Variants in TMEM74 observed in about 807,000 individuals in gnomAD.
The protein encoded by TMEM74 is transmembrane protein 74.
A neutral mutation model predicts 18.1 loss-of-function variants in TMEM74; 13 were observed. That is an observed-to-expected ratio of 0.72 (90% CI 0.47 to 1.14). TMEM74 has a LOEUF of 1.14. Ranked by LOEUF, TMEM74 falls within the 50% of genes most tolerant of loss-of-function variation. TMEM74 has a pLI of 0.00. For synonymous variants in TMEM74, 159 were observed against 146.6 expected (o/e 1.08, Z -0.61); for missense variants, 372 against 375.9 (o/e 0.99, Z 0.09).
chr8:108,634,623 C>G (rs543384268), intron 2 of TMEM74, among the ~76,000 whole-genome samples: 40 of 152,082 alleles, frequency 2.6e-4, no homozygotes, highest in African/African-American at 8.2e-4. Flanking sequence ...GGCAATGTGG[C>G]TGATTTTCAG....
At chr8:108,764,257 C>T (rs1025251126) in intron 1 of TMEM74, among the ~76,000 whole-genome samples, 3 of 152,142 alleles carry the variant, frequency 2.0e-5, no homozygotes, top group Non-Finnish European at 4.4e-5. Flanking sequence ...GTGCAGGTGG[C>T]ATCTGTAAGC....
At chr8:108,656,976 G>A (rs1812826756) in intron 1 of TMEM74, among the ~76,000 whole-genome samples, 1 of 152,048 alleles carries the variant, frequency 6.6e-6, no homozygotes, top group Non-Finnish European at 1.5e-5. Flanking sequence ...TTGAAATTAA[G>A]CTGAGAAATC....
intron 1 of TMEM74, among the ~76,000 whole-genome samples, chr8:108,728,840 C>T (rs75756324): frequency 1.3e-5 from 2 of 152,180 alleles, no homozygotes; most frequent in Admixed American, 1.3e-4. Context: ...TGAATAAATG[C>T]GTTAAGAAGC....
At chr8:108,623,607 A>G (rs903147692) in intron 2 of TMEM74, among the ~76,000 whole-genome samples, 2 of 152,140 alleles carry the variant, frequency 1.3e-5, no homozygotes, top group African/African-American at 4.8e-5. Flanking sequence ...ATATTAATAC[A>G]TATTTTAAGT....
chr8:108,730,923 C>T (rs1405962904), intron 1 of TMEM74, among the ~76,000 whole-genome samples: 1 of 152,134 alleles, frequency 6.6e-6, no homozygotes, highest in Non-Finnish European at 1.5e-5. Flanking sequence ...AGCCACCGCG[C>T]CCTGCCACCA....
rs1364700058 is a variant in TMEM74, at chr8:108,679,455, T to C, written n.120-24018A>G. 2.6e-5 allele frequency among the ~76,000 whole-genome samples: 4 copies of C among 152,208 alleles called. No individual in the cohort carries two copies. The East Asian group carries it at 5.8e-4, about 22-fold the overall frequency. On this transcript the variant is annotated intron_variant and non_coding_transcript_variant, in intron 1 of 3. Coordinates refer to the TMEM74 transcript ENST00000518838. Reference sequence around the variant, plus strand: ...GATTGTCATTCTAACTGGTGTGAGATGGTATCTCATTATGGTTTTGATTTG... The same window carrying C: ...GATTGTCATTCTAACTGGTGTGAGACGGTATCTCATTATGGTTTTGATTTG...
At chr8:108,714,637 A>T (rs1163200425) in intron 1 of TMEM74, among the ~76,000 whole-genome samples, 2 of 152,180 alleles carry the variant, frequency 1.3e-5, no homozygotes, top group Non-Finnish European at 2.9e-5. Flanking sequence ...TTCTTAAAGA[A>T]CTCAGAACTA....
At chr8:108,679,456 G>T (rs1444686596) in intron 1 of TMEM74, among the ~76,000 whole-genome samples, 1 of 152,116 alleles carries the variant, frequency 6.6e-6, no homozygotes, top group East Asian at 1.9e-4. Context: ...GGTGTGAGAT[G>T]GTATCTCATT....
In TMEM74 at chr8:108,780,556, CTT is replaced by C. The variant is rs1563549995; in HGVS notation, c.*3623_*3624del. Among the ~76,000 whole-genome samples, 1 of 152,176 alleles carries C rather than the reference CTT, an allele frequency of 6.6e-6. No individual in the cohort carries two copies. Among genetic ancestry groups the C allele is most frequent in the Non-Finnish European group, 1.5e-5 (1 of 68,028 alleles). On this transcript the variant is annotated 3_prime_UTR_variant, in exon 2 of 2. Coordinates refer to ENST00000297459, the MANE Select transcript of TMEM74 (RefSeq NM_153015.3). ...ACACATAAGTTTGGCAGCGCAGTCT[CTT>C]TTCAGAAATTGTACCTTGAAGGGCA...
chr8:108,784,384 G>T lies in TMEM74; in HGVS notation c.715C>A (p.Leu239Ile). 1 of 1,614,110 alleles carries T rather than the reference G, an allele frequency of 6.2e-7. No individual in the cohort carries two copies. Among genetic ancestry groups the T allele is most frequent in the Non-Finnish European group, 8.5e-7 (1 of 1,180,036 alleles). Residue 239 changes from leucine to isoleucine, a missense_variant, in exon 2 of 2, where the codon CTC becomes ATC. Leu to Ile is a conservative substitution (Grantham distance 5). Coordinates refer to ENST00000297459, the MANE Select transcript of TMEM74 (RefSeq NM_153015.3). ...DRCVIAGLCL[L>I]TLGGVILSCL... ...GACAGGATGACGCCCCCCAGCGTGA[G>T]GAGGCAGAGCCCCGCAATCACACAG...
chr8:108,760,677 T>C (rs1013447314), intron 1 of TMEM74, among the ~76,000 whole-genome samples: 2 of 152,002 alleles, frequency 1.3e-5, no homozygotes, highest in Non-Finnish European at 2.9e-5. Flanking sequence ...GTAGTCTGGC[T>C]GTAGCAATGT....
chr8:108,748,519 C>CT (rs1813873702), intron 1 of TMEM74, among the ~76,000 whole-genome samples: 1 of 151,736 alleles, frequency 6.6e-6, no homozygotes, highest in Admixed American at 6.6e-5. Context: ...TGTAGGTTGT[C>CT]TGTTTACTCT....
intron 1 of TMEM74, among the ~76,000 whole-genome samples, chr8:108,711,188 A>T (rs1197976695): frequency 6.6e-6 from 1 of 152,220 alleles, no homozygotes; most frequent in Non-Finnish European, 1.5e-5. Flanking sequence ...TCTACATATA[A>T]GAAACTGAGT....
chr8:108,744,663 C>A (rs1002079123), intron 1 of TMEM74, among the ~76,000 whole-genome samples: 2 of 152,236 alleles, frequency 1.3e-5, no homozygotes, highest in East Asian at 3.9e-4. Flanking sequence ...TAAGTCTTGT[C>A]TTTGTTTTAC....
intron 2 of TMEM74, among the ~76,000 whole-genome samples, chr8:108,615,819 CTTTTTTTTTTT>C (rs71564011): frequency 9.2e-5 from 7 of 76,420 alleles, no homozygotes; most frequent in South Asian, 4.9e-4. Context: ...TGCATGGGAG[CTTTTTTTTTTT>C]TTTTTTTTTT....
Position 108,780,515 on chromosome 8 carries a change from G to A in TMEM74, c.*3666C>T, listed in dbSNP as rs1173807934. ...GATTAAGTCACCCCTTATACTGGGG[G>A]GACTGAGGTAAAGGCACACATAAGT... On this transcript the variant is annotated 3_prime_UTR_variant, in exon 2 of 2. Coordinates refer to ENST00000297459, the MANE Select transcript of TMEM74 (RefSeq NM_153015.3). Among the ~76,000 whole-genome samples the A allele has an allele frequency of 6.6e-6, 1 of 152,114 alleles. No homozygotes were observed. Among genetic ancestry groups the A allele is most frequent in the Non-Finnish European group, 1.5e-5 (1 of 68,024 alleles).
intron 2 of TMEM74, among the ~76,000 whole-genome samples, chr8:108,647,558 G>A (rs535289750): frequency 2.6e-5 from 4 of 152,128 alleles, no homozygotes; most frequent in African/African-American, 9.6e-5. Context: ...GATTCACTAA[G>A]TAAAGAAATC....
chr8:108,698,166 CAAATA>C (rs1563528965), intron 1 of TMEM74, among the ~76,000 whole-genome samples: 1 of 152,136 alleles, frequency 6.6e-6, no homozygotes, highest in African/African-American at 2.4e-5. Flanking sequence ...TTTCATTTTA[CAAATA>C]AAATAAAATA....
intron 2 of TMEM74, among the ~76,000 whole-genome samples, chr8:108,622,663 G>A (rs1812455377): frequency 6.6e-6 from 1 of 152,018 alleles, no homozygotes; most frequent in African/African-American, 2.4e-5. Context: ...TGGGAATTCT[G>A]TGAAGTTATC....
Sources: gnomAD v4.1 joint callset for allele counts (sites outside exome capture counted in the v4.1 genomes callset) on GRCh38, gnomAD v4.1.1 for gene constraint, MANE v1.5 for transcripts, NCBI Gene and HGNC (gene_info 2026-07-23, HGNC 2026-07-21) for gene names.